MITF: variants seen among roughly 807,000 people sequenced by gnomAD.
MITF encodes the protein melanocyte inducing transcription factor, also known as microphthalmia-associated transcription factor.
A neutral mutation model predicts 60.5 loss-of-function variants in MITF; 17 were observed. The observed-to-expected ratio is 0.28, with a 90% CI of 0.19 to 0.42. The LOEUF is 0.42. Ranked by LOEUF, MITF falls within the 10% of genes least tolerant of loss-of-function variation. The pLI is 1.00. For synonymous variants in MITF, 260 were observed against 248.5 expected (o/e 1.05, Z -0.43); for missense variants, 622 against 683.5 (o/e 0.91, Z 1.00).
At chr3:69,939,419 T>C (rs2065919895) in intron 4 of MITF, among the ~76,000 whole-genome samples, 1 of 152,110 alleles carries the variant, frequency 6.6e-6, no homozygotes, top group Admixed American at 6.6e-5. Context: ...TAAAAACTTC[T>C]TAAAGTACAT....
intron 1 of MITF, among the ~76,000 whole-genome samples, chr3:69,868,498 A>G (rs964315446): frequency 1.3e-5 from 2 of 152,044 alleles, no homozygotes; most frequent in African/African-American, 2.4e-5. Flanking sequence ...AGATTTCTGA[A>G]TTACCAAACT....
intron 1 of MITF, among the ~76,000 whole-genome samples, chr3:69,810,878 T>C (rs1377909166): frequency 6.6e-6 from 1 of 152,244 alleles, no homozygotes; most frequent in Non-Finnish European, 1.5e-5. Context: ...GCATGATAGA[T>C]GATCAATAAA....
chr3:69,900,451 C>G (rs1277072026), intron 2 of MITF, among the ~76,000 whole-genome samples: 1 of 152,166 alleles, frequency 6.6e-6, no homozygotes, highest in Non-Finnish European at 1.5e-5. Context: ...TGAATTCCTT[C>G]TCCTCCTTCT....
chr3:69,905,925 T>G (rs915131931), intron 2 of MITF, among the ~76,000 whole-genome samples: 1 of 152,176 alleles, frequency 6.6e-6, no homozygotes, highest in African/African-American at 2.4e-5. Context: ...GTTTGTGGTA[T>G]GTCTTTCCAT....
rs377092899 is a variant in MITF, at chr3:69,833,209, C to T, written c.105-45925C>T. Reference sequence around the variant, plus strand: ...ATATGTGATTGTTTTTCTGTTTACACTGCATGTGGTTATTTCCCTGTTTAC... The same window carrying T: ...ATATGTGATTGTTTTTCTGTTTACATTGCATGTGGTTATTTCCCTGTTTAC... On this transcript the variant is annotated intron_variant, in intron 1 of 9. Transcript: ENST00000352241. 5.0e-4 allele frequency among the ~76,000 whole-genome samples: 75 copies of T among 151,214 alleles called. 1 individual carries two copies. In the East Asian group the frequency reaches 5.6e-3, roughly 11 times the overall value.
Position 69,937,365 on chromosome 3 carries a change from G to GGTGTGTGT in MITF, c.355-424_355-417dup, listed in dbSNP as rs56689910. On this transcript the variant is annotated intron_variant, in intron 2 of 9. Transcript: ENST00000352241. Reference sequence around the variant, plus strand: ...ATTTTACACAGTTGGTTCTTAAGGAGGTGTGTGTGTGTGTGTGTGTGTGTG... The same window carrying GGTGTGTGT: ...ATTTTACACAGTTGGTTCTTAAGGAGGTGTGTGTGTGTGTGTGTGTGTGTGTGTGTGTG... 4.5e-3 allele frequency among the ~76,000 whole-genome samples: 634 copies of GGTGTGTGT among 142,192 alleles called. 5 individuals are homozygous for GGTGTGTGT. The highest frequency in any genetic ancestry group is 0.031 in the East Asian group (149 of 4,806). 93.3% of individuals were successfully genotyped at this position (142,192 alleles called of 152,430 possible).
At position 69,940,154 on chromosome 3, in the gene MITF, C is replaced by T. The variant is rs1227553465; in HGVS notation, c.666+973C>T. On this transcript the variant is annotated intron_variant, in intron 4 of 9. Transcript: ENST00000352241. ...TAAGACAGTAAATATTATGAACCCC[C>T]ATTTTATAGATTGACAAACTGAGGC... 2.6e-5 allele frequency among the ~76,000 whole-genome samples: 4 copies of T among 152,188 alleles called. No homozygotes were observed. In the East Asian group the frequency reaches 5.8e-4, roughly 22 times the overall value.
chr3:69,858,357 A>G (rs1005325852), intron 1 of MITF, among the ~76,000 whole-genome samples: 26 of 152,150 alleles, frequency 1.7e-4, no homozygotes, highest in Non-Finnish European at 2.5e-4. Flanking sequence ...TTTGCTCAGC[A>G]TAACTGTAAC....
chr3:69,867,056 TTTAACATTTACTTTCACTG>T (rs1559684062), intron 1 of MITF, among the ~76,000 whole-genome samples: 4 of 152,168 alleles, frequency 2.6e-5, no homozygotes, highest in African/African-American at 7.2e-5. Context: ...CCCCACATCC[TTTAACATTTACTTTCACTG>T]TTAGGTGATA....
intron 1 of MITF, among the ~76,000 whole-genome samples, chr3:69,768,346 C>G (rs955063320): frequency 6.6e-6 from 1 of 152,186 alleles, no homozygotes; most frequent in East Asian, 1.9e-4. Flanking sequence ...TGCTCACATA[C>G]ACACCTTCCT....
chr3:69,901,610 G>A (rs919378492), intron 2 of MITF, among the ~76,000 whole-genome samples: 2 of 152,112 alleles, frequency 1.3e-5, no homozygotes, highest in Non-Finnish European at 2.9e-5. Context: ...GTGGCACATG[G>A]TCTAATCACC....
At chr3:69,810,468 G>C (rs755708497) in intron 1 of MITF, among the ~76,000 whole-genome samples, 1 of 152,022 alleles carries the variant, frequency 6.6e-6, no homozygotes, top group Non-Finnish European at 1.5e-5. Context: ...ATTTGATGGC[G>C]GTGTGCTCAG....
At chr3:69,779,665 C>T (rs1382934403) in intron 1 of MITF, among the ~76,000 whole-genome samples, 3 of 151,218 alleles carry the variant, frequency 2.0e-5, no homozygotes, top group African/African-American at 7.3e-5. Flanking sequence ...AACTTAATGT[C>T]GATAGAAGTG....
chr3:69,747,118 T>C (rs1489320652), intron 1 of MITF, among the ~76,000 whole-genome samples: 2 of 152,168 alleles, frequency 1.3e-5, no homozygotes, highest in African/African-American at 4.8e-5. Context: ...AAGGACTGGG[T>C]GCTGAGTGTC....
chr3:69,915,523 A>G (rs2065315090), intron 2 of MITF, among the ~76,000 whole-genome samples: 1 of 151,646 alleles, frequency 6.6e-6, no homozygotes, highest in African/African-American at 2.4e-5. Context: ...ATATGTACCT[A>G]TTTAAAATAT....
At chr3:69,749,648 T>A (rs1703855931) in intron 1 of MITF, among the ~76,000 whole-genome samples, 1 of 152,244 alleles carries the variant, frequency 6.6e-6, no homozygotes. Flanking sequence ...TGTGAAGCAA[T>A]ACCTAAAAAT....
At chr3:69,893,795 A>G (rs905290117) in intron 2 of MITF, among the ~76,000 whole-genome samples, 4 of 152,314 alleles carry the variant, frequency 2.6e-5, no homozygotes, top group African/African-American at 9.6e-5. Context: ...GGCTATGTAG[A>G]TTCCTCTAAC....
chr3:69,798,987 C>G (rs1232365068), intron 1 of MITF, among the ~76,000 whole-genome samples: 1 of 152,164 alleles, frequency 6.6e-6, no homozygotes, highest in African/African-American at 2.4e-5. Context: ...AATTCTGTGT[C>G]TCATCCTAGA....
chr3:69,957,380 G>A (rs1012162643), intron 8 of MITF, among the ~76,000 whole-genome samples: 1 of 152,132 alleles, frequency 6.6e-6, no homozygotes, highest in Non-Finnish European at 1.5e-5. Context: ...ATTCATGCCA[G>A]GCTTATTAAA....
Sources: gnomAD v4.1 joint callset for allele counts (sites outside exome capture counted in the v4.1 genomes callset) on GRCh38, gnomAD v4.1.1 for gene constraint, MANE v1.5 for transcripts, NCBI Gene and HGNC (gene_info 2026-07-23, HGNC 2026-07-21) for gene names.